Variants in ADAMTS17 observed in about 807,000 individuals in gnomAD.
ADAMTS17 encodes A disintegrin and metalloproteinase with thrombospondin motifs 17.
Under a neutral mutation model 141.5 loss-of-function variants are expected in ADAMTS17, and 113 were observed. The ratio of observed to expected loss-of-function variants is 0.80; its 90% CI spans 0.69 to 0.93. The LOEUF (loss-of-function observed/expected upper bound fraction) is 0.93. Ranked by LOEUF, ADAMTS17 falls within the 40% of genes least tolerant of loss-of-function variation. The probability of loss-of-function intolerance (pLI) is 0.00; values close to 1 mark genes in which losing one functional copy is unlikely to be tolerated. For missense variants in ADAMTS17, 1,659 were observed against 1,517.9 expected (o/e 1.09, Z -1.54); for synonymous variants, 768 against 630.6 (o/e 1.22, Z -3.27).
intron 15 of ADAMTS17, among the ~76,000 whole-genome samples, chr15:100,084,635 C>G (rs1486950899): frequency 1.3e-5 from 2 of 152,158 alleles, no homozygotes; most frequent in Admixed American, 6.5e-5. Context: ...GGTACTCCTC[C>G]AAGACAGAAC....
chr15:100,317,464 G>T (rs1039551372), intron 3 of ADAMTS17, among the ~76,000 whole-genome samples: 1 of 152,116 alleles, frequency 6.6e-6, no homozygotes, highest in African/African-American at 2.4e-5. Context: ...GGAGCAGAGG[G>T]TCTGCTTGAC....
At chr15:100,100,982 T>G (rs1285047195) in intron 14 of ADAMTS17, among the ~76,000 whole-genome samples, 1 of 151,150 alleles carries the variant, frequency 6.6e-6, no homozygotes, top group Non-Finnish European at 1.5e-5. Context: ...GAATAGCCTC[T>G]TAACTTGTTT....
chr15:100,143,494 G>A (rs986724765), intron 10 of ADAMTS17, among the ~76,000 whole-genome samples: 2 of 152,124 alleles, frequency 1.3e-5, no homozygotes, highest in Non-Finnish European at 2.9e-5. Context: ...TTTATGTTTG[G>A]ACTTTCTTGA....
In ADAMTS17 at chr15:99,984,404, C is replaced by T. The variant is rs367787020; in HGVS notation, c.2950-8182G>A. On this transcript the variant is annotated intron_variant, in intron 20 of 21. Transcript: ENST00000268070. ...GCCATCACGTGTGGGTACCCAACCACGGAACGCACCATTTATGGGGACTGA... is the reference window on the plus strand; with the variant it reads ...GCCATCACGTGTGGGTACCCAACCATGGAACGCACCATTTATGGGGACTGA... 5.6e-4 allele frequency among the ~76,000 whole-genome samples: 85 copies of T among 152,334 alleles called. No homozygotes were observed. The South Asian group carries it at 0.013, about 23-fold the overall frequency.
Position 100,031,274 on chromosome 15 carries a change from C to G in ADAMTS17, c.2591+17583G>C, listed in dbSNP as rs112914768. On this transcript the variant is annotated intron_variant, in intron 18 of 21. Coordinates refer to ENST00000268070, the MANE Select transcript of ADAMTS17 (RefSeq NM_139057.4). Reference sequence around the variant, plus strand: ...CCGAACCTAACAAATTGCATGTCTTCCTGCCTCTACATGATAAGTAGATGA... The same window carrying G: ...CCGAACCTAACAAATTGCATGTCTTGCTGCCTCTACATGATAAGTAGATGA... 4.6e-4 allele frequency among the ~76,000 whole-genome samples: 70 copies of G among 152,316 alleles called. 1 individual carries two copies. The highest frequency in any genetic ancestry group is 1.5e-3 in the African/African-American group (62 of 41,554).
intron 20 of ADAMTS17, among the ~76,000 whole-genome samples, chr15:99,982,149 C>T (rs768266507): frequency 5.9e-5 from 9 of 152,316 alleles, no homozygotes; most frequent in African/African-American, 1.2e-4. Flanking sequence ...GGAGCCTAGC[C>T]GGGGGTCTCA....
chr15:100,233,374 A>G (rs759961126), intron 7 of ADAMTS17, among the ~76,000 whole-genome samples: 21 of 152,224 alleles, frequency 1.4e-4, no homozygotes, highest in Non-Finnish European at 2.9e-4. Flanking sequence ...GAAAAGTCAT[A>G]TAAGTCGCCG....
At chr15:99,990,512 T>G (rs1317879069) in intron 20 of ADAMTS17, among the ~76,000 whole-genome samples, 3 of 152,230 alleles carry the variant, frequency 2.0e-5, no homozygotes, top group Non-Finnish European at 4.4e-5. Context: ...TCAGATGTTT[T>G]GACCAGGGAG....
chr15:100,038,295 A>G (rs1263988617), intron 18 of ADAMTS17, among the ~76,000 whole-genome samples: 1 of 152,194 alleles, frequency 6.6e-6, no homozygotes, highest in Non-Finnish European at 1.5e-5. Context: ...TGAAATTGGG[A>G]AGCATGAGGA....
intron 7 of ADAMTS17, among the ~76,000 whole-genome samples, chr15:100,200,974 C>G (rs188412178): frequency 1.2e-4 from 19 of 152,350 alleles, no homozygotes; most frequent in Admixed American, 2.6e-4. Flanking sequence ...ATGAACTTGC[C>G]TGAGGTGTCT....
At chr15:100,270,245 G>T (rs191192729) in intron 4 of ADAMTS17, among the ~76,000 whole-genome samples, 1 of 152,090 alleles carries the variant, frequency 6.6e-6, no homozygotes, top group East Asian at 1.9e-4. Flanking sequence ...ATTTGTAGCC[G>T]CCAGGCATTC....
At chr15:100,306,929 T>C (rs2141839613) in intron 3 of ADAMTS17, among the ~76,000 whole-genome samples, 1 of 152,132 alleles carries the variant, frequency 6.6e-6, no homozygotes, top group East Asian at 1.9e-4. Flanking sequence ...TGAACATGAC[T>C]TCCTTCCTCT....
chr15:100,093,426 C>T (rs1403844558), intron 15 of ADAMTS17, among the ~76,000 whole-genome samples: 1 of 152,142 alleles, frequency 6.6e-6, no homozygotes, highest in Non-Finnish European at 1.5e-5. Context: ...AGGCACTCCT[C>T]CTTCCCTCAT....
chr15:100,005,758 T>C (rs1398180701), intron 18 of ADAMTS17, among the ~76,000 whole-genome samples: 1 of 152,176 alleles, frequency 6.6e-6, no homozygotes, highest in Non-Finnish European at 1.5e-5. Flanking sequence ...GATAAAAGTA[T>C]CACGAATTGG....
At chr15:100,011,152 C>A (rs970786729) in intron 18 of ADAMTS17, among the ~76,000 whole-genome samples, 1 of 150,532 alleles carries the variant, frequency 6.6e-6, no homozygotes, top group South Asian at 2.1e-4. Context: ...TTAATTAGTT[C>A]AACCCCAAGA....
At chr15:100,121,400 G>A (rs2037446074) in intron 12 of ADAMTS17, among the ~76,000 whole-genome samples, 1 of 152,154 alleles carries the variant, frequency 6.6e-6, no homozygotes, top group South Asian at 2.1e-4. Context: ...AAGACACATT[G>A]TAATTAAACT....
intron 3 of ADAMTS17, among the ~76,000 whole-genome samples, chr15:100,290,127 C>T (rs1216769668): frequency 2.6e-5 from 4 of 151,978 alleles, no homozygotes; most frequent in African/African-American, 7.3e-5. Flanking sequence ...TAATCTCTAC[C>T]CCCAAAAGCT....
intron 14 of ADAMTS17, among the ~76,000 whole-genome samples, chr15:100,097,634 G>A (rs1225685548): frequency 2.0e-5 from 3 of 152,250 alleles, no homozygotes; most frequent in Non-Finnish European, 2.9e-5. Context: ...TCCAACTTAA[G>A]TGTGCATCGG....
chr15:100,160,371 C>T lies in ADAMTS17; in HGVS notation c.1182-5051G>A, dbSNP rs76759264. On this transcript the variant is annotated intron_variant, in intron 8 of 21. Coordinates refer to ENST00000268070, the MANE Select transcript of ADAMTS17 (RefSeq NM_139057.4). ...CTGGCTGGGATCTCCTGGGCAGCTACCAGAAGGGTTTTTCAAACATGGATG... is the reference window on the plus strand; with the variant it reads ...CTGGCTGGGATCTCCTGGGCAGCTATCAGAAGGGTTTTTCAAACATGGATG... 3.6e-3 allele frequency among the ~76,000 whole-genome samples: 553 copies of T among 152,286 alleles called. 4 individuals carry two copies. Among genetic ancestry groups the T allele is most frequent in the African/African-American group, 0.013 (531 of 41,556 alleles).
Sources: allele counts gnomAD v4.1 joint callset (sites outside exome capture counted in the v4.1 genomes callset), GRCh38; gene constraint gnomAD v4.1.1; transcripts MANE v1.5; gene names NCBI Gene and HGNC (gene_info 2026-07-23, HGNC 2026-07-21).